Variants in RNF157 observed in about 807,000 individuals in gnomAD.
RNF157 encodes the protein E3 ubiquitin ligase RNF157.
Under a neutral mutation model 88.3 loss-of-function variants are expected in RNF157, and 55 were observed. The ratio of observed to expected loss-of-function variants is 0.62; its 90% confidence interval spans 0.50 to 0.78. The LOEUF is 0.78. Ranked by LOEUF, RNF157 falls within the 30% of genes least tolerant of loss-of-function variation. The pLI is 0.00. For missense variants in RNF157, 788 were observed against 860.8 expected (o/e 0.92, Z 1.06); for synonymous variants, 334 against 341.2 (o/e 0.98, Z 0.23).
intron 18 of RNF157, among the ~76,000 whole-genome samples, chr17:76,149,278 G>A (rs987949175): frequency 6.6e-6 from 1 of 152,032 alleles, no homozygotes; most frequent in Non-Finnish European, 1.5e-5. Flanking sequence ...GGCAGAGCCC[G>A]TGAGCAAGGT....
chr17:76,148,863 C>T (rs927174021), intron 18 of RNF157, among the ~76,000 whole-genome samples: 2 of 152,208 alleles, frequency 1.3e-5, no homozygotes, highest in Non-Finnish European at 2.9e-5. Context: ...AGCCACTGTG[C>T]CCGGCCTATC....
Position 76,185,473 on chromosome 17 carries a change from T to C in RNF157, c.208-11683A>G, listed in dbSNP as rs189295759. 3.1e-3 allele frequency among the ~76,000 whole-genome samples: 452 copies of C among 146,866 alleles called. 7 individuals are homozygous for C. Among genetic ancestry groups the C allele is most frequent in the African/African-American group, 9.4e-3 (352 of 37,500 alleles). On this transcript the variant is annotated intron_variant, in intron 2 of 18. Coordinates refer to ENST00000269391, the MANE Select transcript of RNF157 (RefSeq NM_052916.3). ...TGACTAGTGGTCAGAGATTAGTCCT[T>C]TCTTTTTTTTTTTTGAGACGGAGTC...
Position 76,202,124 on chromosome 17 carries a change from TCTCTCACA to T in RNF157, c.207+10232_207+10239del, listed in dbSNP as rs1006783516. The stretch of plus-strand genomic sequence containing the variant: ...CCCAATCTCAGTTTCTCTCTCTCTC[TCTCTCACA>T]CACACACACACACACACACACACAC... On this transcript the variant is annotated intron_variant, in intron 2 of 18. Coordinates refer to ENST00000269391, the MANE Select transcript of RNF157 (RefSeq NM_052916.3). 3.1e-4 allele frequency among the ~76,000 whole-genome samples: 43 copies of T among 139,672 alleles called. No individual in the cohort carries two copies. The South Asian group carries it at 5.5e-3, about 18-fold the overall frequency. The allele number at this position is 139,672 out of a possible 152,430, so 91.6% of individuals were successfully genotyped here.
At chr17:76,219,028 A>G (rs971646005) in intron 1 of RNF157, among the ~76,000 whole-genome samples, 3 of 152,198 alleles carry the variant, frequency 2.0e-5, no homozygotes, top group African/African-American at 7.2e-5. Flanking sequence ...GAAAAAGCAG[A>G]ATATGTTTGC....
In RNF157 at chr17:76,175,769, C is replaced by T. The variant is rs148527018; in HGVS notation, c.208-1979G>A. ...CTACCTGCATTTCAAAAAAAAGATG[C>T]GTCTTTTCCCTTATTCTTTACTCTT... On this transcript the variant is annotated intron_variant, in intron 2 of 18. Transcript: ENST00000269391. The T allele has an allele frequency of 4.4e-4, 433 of 985,028 alleles. 1 individual carries two copies. In the African/African-American group the frequency reaches 4.7e-3, roughly 11 times the overall value. The allele number at this position is 985,028 out of a possible 1,614,324, so 61.0% of individuals were successfully genotyped here. A position where few individuals can be genotyped will look rare whatever the true frequency, so the allele number is the denominator to read the frequency against.
intron 1 of RNF157, among the ~76,000 whole-genome samples, chr17:76,218,919 G>A (rs2069935470): frequency 6.6e-6 from 1 of 151,736 alleles, no homozygotes; most frequent in Non-Finnish European, 1.5e-5. Flanking sequence ...GGGTGACAGA[G>A]CAAGACTCCA....
chr17:76,163,930 A>G (rs1368214430), intron 8 of RNF157: 1 of 152,226 alleles, frequency 6.6e-6, no homozygotes, highest in Admixed American at 6.5e-5. Context: ...AATTTATCCT[A>G]AGATATTCTT....
chr17:76,233,857 G>C (rs1433393301), intron 1 of RNF157, among the ~76,000 whole-genome samples: 2 of 152,188 alleles, frequency 1.3e-5, no homozygotes, highest in African/African-American at 2.4e-5. Context: ...GCTTTGTGGA[G>C]ATACAATTTA....
intron 2 of RNF157, among the ~76,000 whole-genome samples, chr17:76,200,401 A>G (rs986325657): frequency 3.3e-5 from 5 of 152,240 alleles, no homozygotes; most frequent in African/African-American, 1.2e-4. Flanking sequence ...CTTAAAAAGG[A>G]AATTCTGACA....
chr17:76,200,878 C>T (rs2069564293), intron 2 of RNF157, among the ~76,000 whole-genome samples: 1 of 152,106 alleles, frequency 6.6e-6, no homozygotes. Flanking sequence ...CATGTTGGCA[C>T]CAAGAGGACC....
In RNF157 at chr17:76,145,213, G is replaced by T; in HGVS notation, c.*22C>A. On this transcript the variant is annotated 3_prime_UTR_variant, in exon 19 of 19. Transcript: ENST00000269391. Reference sequence around the variant, plus strand: ...GGATGGAATGCAGGGCAGGAGGGGAGCCCAAGTGCAGAGGCTGGGGCTCAG... The same window carrying T: ...GGATGGAATGCAGGGCAGGAGGGGATCCCAAGTGCAGAGGCTGGGGCTCAG... 6.7e-7 allele frequency: 1 copy of T among 1,499,092 alleles called. No homozygotes were observed. The highest frequency in any genetic ancestry group is 9.2e-7 in the Non-Finnish European group (1 of 1,081,564). The allele number at this position is 1,499,092 out of a possible 1,614,324, so 92.9% of individuals were successfully genotyped here.
At chr17:76,187,406 G>A (rs2069311052) in intron 2 of RNF157, among the ~76,000 whole-genome samples, 1 of 151,808 alleles carries the variant, frequency 6.6e-6, no homozygotes, top group East Asian at 2.0e-4. Context: ...GGCTGGTCTT[G>A]AACTCCTGAC....
intron 2 of RNF157, among the ~76,000 whole-genome samples, chr17:76,200,120 T>C (rs1464943762): frequency 2.0e-5 from 3 of 151,886 alleles, no homozygotes; most frequent in Non-Finnish European, 2.9e-5. Flanking sequence ...CGGGCGCCTG[T>C]AGTCCCAGCC....
chr17:76,156,036 C>T (rs1054475082), intron 14 of RNF157, among the ~76,000 whole-genome samples, 174 bp downstream of exon 14: 18 of 152,178 alleles, frequency 1.2e-4, no homozygotes, highest in African/African-American at 4.3e-4. Context: ...TACAGGCAAG[C>T]CTGCTATCCC....
chr17:76,160,983 C>T lies in RNF157; in HGVS notation c.1065+552G>A, dbSNP rs543094042. Among the ~76,000 whole-genome samples the T allele has an allele frequency of 6.6e-6, 1 of 152,288 alleles. No homozygotes were observed. The highest frequency in any genetic ancestry group is 6.5e-5 in the Admixed American group (1 of 15,286). On this transcript the variant is annotated intron_variant, in intron 11 of 18. Coordinates refer to ENST00000269391, the MANE Select transcript of RNF157 (RefSeq NM_052916.3). This position sits in a 1 kb window ranked among gnomAD's most constrained non-coding sequence, Gnocchi z 4.3. ...CCTCCTGAAATAGCTAACTAATTAT[C>T]CCAATACCATTCACTAAATAATAAT...
intron 2 of RNF157, among the ~76,000 whole-genome samples, chr17:76,177,499 G>A (rs568446616): frequency 6.6e-6 from 1 of 152,026 alleles, no homozygotes; most frequent in South Asian, 2.1e-4. Flanking sequence ...TCCAGACTTT[G>A]GGCACTGATG....
chr17:76,146,902 T>C lies in RNF157; in HGVS notation c.1922-1549A>G. On this transcript the variant is annotated intron_variant, in intron 18 of 18. Transcript: ENST00000269391. This position sits in a 1 kb window ranked among gnomAD's most constrained non-coding sequence, Gnocchi z 4.2. The stretch of plus-strand genomic sequence containing the variant: ...GTCAGCCTCAGGCCAGCCCAGGACA[T>C]GAAACCCTTTAATGGCATGTAGAGT... The C allele has an allele frequency of 1.0e-6, 1 of 985,418 alleles. No homozygotes were observed. Among genetic ancestry groups the C allele is most frequent in the South Asian group, 4.7e-5 (1 of 21,284 alleles). 61.0% of individuals were successfully genotyped at this position (985,418 alleles called of 1,614,324 possible). A position where few individuals can be genotyped will look rare whatever the true frequency, so the allele number is the denominator to read the frequency against.
At position 76,240,330 on chromosome 17, in the gene RNF157, G is replaced by A. The variant is rs926642032; in HGVS notation, c.-90C>T. The stretch of plus-strand genomic sequence containing the variant: ...GCCGCCCGCCCCGCGCCCGGTGCGG[G>A]GGCCGACTGCCCGCCGCGGCCGGCT... On this transcript the variant is annotated 5_prime_UTR_variant, in exon 1 of 19. Transcript: ENST00000269391. The surrounding 1 kb of genome is among the most constrained non-coding windows in gnomAD (Gnocchi z 4.4). 4 of 533,810 alleles carry A rather than the reference G, an allele frequency of 7.5e-6. No homozygotes were observed. Among genetic ancestry groups the A allele is most frequent in the Non-Finnish European group, 7.1e-6 (3 of 420,258 alleles). The allele number at this position is 533,810 out of a possible 1,614,324, so 33.1% of individuals were successfully genotyped here.
rs572154640 is a variant in RNF157, at chr17:76,152,589, A to T, written c.1811-124T>A. 7.4e-6 allele frequency: 5 copies of T among 671,402 alleles called. No individual in the cohort carries two copies. In the South Asian group the frequency reaches 8.7e-5, roughly 12 times the overall value. 41.6% of individuals were successfully genotyped at this position (671,402 alleles called of 1,614,324 possible). ...CAAATCATATGTTAAAAAAAAGACAATAATTAAGCGGATAAAGAGTGGACA... is the reference window on the plus strand; with the variant it reads ...CAAATCATATGTTAAAAAAAAGACATTAATTAAGCGGATAAAGAGTGGACA... On this transcript the variant is annotated intron_variant, in intron 17 of 18. Transcript: ENST00000269391.
Sources: gnomAD v4.1 joint callset for allele counts (sites outside exome capture counted in the v4.1 genomes callset) on GRCh38, gnomAD v4.1.1 for gene constraint, Gnocchi (gnomAD v3.1) non-coding constraint, MANE v1.5 for transcripts, NCBI Gene and HGNC (gene_info 2026-07-23, HGNC 2026-07-21) for gene names.